Variants in PLCD4 observed in about 807,000 individuals in gnomAD.
PLCD4 encodes phospholipase C delta 4, also known as 1-phosphatidylinositol 4,5-bisphosphate phosphodiesterase delta-4.
Under a neutral mutation model 90.2 loss-of-function variants are expected in PLCD4, and 63 were observed. The ratio of observed to expected loss-of-function variants is 0.70; its 90% CI spans 0.57 to 0.86. The LOEUF is 0.86. Among genes scored for constraint, PLCD4 ranks in the 40% least tolerant of loss-of-function variants. PLCD4 has a pLI of 0.00. For missense variants in PLCD4, 830 were observed against 956.3 expected (o/e 0.87, Z 1.74); for synonymous variants, 294 against 356.5 (o/e 0.82, Z 1.97).
chr2:218,610,405 G>A (rs1451023597), intron 1 of PLCD4, among the ~76,000 whole-genome samples: 2 of 152,076 alleles, frequency 1.3e-5, no homozygotes, highest in Non-Finnish European at 2.9e-5. Context: ...CTACTTGGGA[G>A]GCTGAGGCAG....
intron 9 of PLCD4, among the ~76,000 whole-genome samples, chr2:218,631,701 G>A (rs1696375966): frequency 6.8e-6 from 1 of 147,954 alleles, no homozygotes; most frequent in South Asian, 2.1e-4. Flanking sequence ...GCTGAGGCAG[G>A]AGAATTGCTT....
At chr2:218,617,721 C>A (rs1372906139) in intron 3 of PLCD4, among the ~76,000 whole-genome samples, 1 of 152,156 alleles carries the variant, frequency 6.6e-6, no homozygotes, top group African/African-American at 2.4e-5. Context: ...CCATACCGCC[C>A]CCAGCTGAGG....
At chr2:218,625,254 G>A (rs1271219612) in intron 6 of PLCD4, among the ~76,000 whole-genome samples, 1 of 144,032 alleles carries the variant, frequency 6.9e-6, no homozygotes, top group Non-Finnish European at 1.5e-5. Flanking sequence ...AGGATCTTTT[G>A]TTACCTGTGC....
chr2:218,613,963 G>C (rs1695460475), intron 1 of PLCD4, among the ~76,000 whole-genome samples: 1 of 151,994 alleles, frequency 6.6e-6, no homozygotes, highest in East Asian at 1.9e-4. Flanking sequence ...TCAGCTACTA[G>C]GACAACTTAA....
chr2:218,623,565 C>A (rs900159223), intron 6 of PLCD4, among the ~76,000 whole-genome samples: 2 of 152,332 alleles, frequency 1.3e-5, no homozygotes, highest in African/African-American at 2.4e-5. Context: ...AAGGAACTTT[C>A]ACGTTCCTCA....
At position 218,634,617 on chromosome 2, in the gene PLCD4, C is replaced by T. The variant is rs755989985; in HGVS notation, c.1883C>T (p.Thr628Ile). The change falls in exon 13 of 16, where the codon ACT becomes ATT. Residue 628 changes from threonine (T) to isoleucine (I), a missense_variant. Physicochemically the swap from Thr to Ile is moderately conservative, Grantham distance 89. Coordinates refer to ENST00000450993, the MANE Select transcript of PLCD4 (RefSeq NM_032726.4). The surrounding 1 kb of genome is among the most constrained non-coding windows in gnomAD (Gnocchi z 4.0). ...CCCATCAGCCCTTTCAAAGCCCAGA[C>T]TCTCTTAATCCAGGTACAGTGGAAA... ...EKPISPFKAQTLLIQVISGQQ... is the reference protein window; with the variant it reads ...EKPISPFKAQILLIQVISGQQ... 3.1e-6 allele frequency: 5 copies of T among 1,613,756 alleles called. No homozygotes were observed. The highest frequency in any genetic ancestry group is 1.7e-5 in the Admixed American group (1 of 59,950).
chr2:218,620,514 T>C (rs1695825117), intron 4 of PLCD4, among the ~76,000 whole-genome samples: 1 of 151,240 alleles, frequency 6.6e-6, no homozygotes, highest in South Asian at 2.1e-4. Context: ...AAAAATTTTT[T>C]TTCTTTAATT....
At chr2:218,632,691 G>A (rs939464279) in intron 10 of PLCD4, among the ~76,000 whole-genome samples, 1 of 152,104 alleles carries the variant, frequency 6.6e-6, no homozygotes, top group African/African-American at 2.4e-5. Context: ...GTGATGAGCG[G>A]GTGTGTGTTT....
At chr2:218,627,151 C>T in intron 6 of PLCD4, among the ~76,000 whole-genome samples, 1 of 151,028 alleles carries the variant, frequency 6.6e-6, no homozygotes, top group East Asian at 2.0e-4. Flanking sequence ...GTCCCAGCTA[C>T]TCGGGAGCCT....
Position 218,635,820 on chromosome 2 carries a change from A to G in PLCD4, c.1921A>G (p.Lys641Glu), listed in dbSNP as rs764825131. The G allele has an allele frequency of 1.2e-5, 20 of 1,613,616 alleles. No homozygotes were observed. The South Asian group carries it at 2.2e-4, about 18-fold the overall frequency. ...IQVISGQQLP[K>E]VDKTKEGSIV... ...GGTGATCAGCGGTCAGCAACTCCCC[A>G]AAGTGGACAAGACCAAAGAGGGGTC... Residue 641 changes from lysine (K) to glutamate (E), a missense_variant, in exon 14 of 16, where the codon AAA becomes GAA. Physicochemically the swap from Lys to Glu is moderately conservative, Grantham distance 56. Transcript: ENST00000450993.
At chr2:218,619,973 G>T (rs1184586468) in intron 4 of PLCD4, among the ~76,000 whole-genome samples, 1 of 152,150 alleles carries the variant, frequency 6.6e-6, no homozygotes, top group Non-Finnish European at 1.5e-5. Flanking sequence ...GACAGCCTGG[G>T]CTCAAGCAAT....
rs770723560 is a variant in PLCD4 at position 218,629,529 on chromosome 2, C to T, written c.985C>T (p.Arg329Trp). The T allele has an allele frequency of 3.4e-5, 55 of 1,613,238 alleles. No individual in the cohort carries two copies. The highest frequency in any genetic ancestry group is 1.2e-4 in the Admixed American group (7 of 59,930). The change falls in exon 8 of 16, where the codon CGG becomes TGG. Residue 329 changes from arginine to tryptophan, a missense_variant. Arg to Trp is a moderately radical substitution (Grantham distance 101). Transcript: ENST00000450993. ...SVEGYIRALK[R>W]GCRCVEVDVW... The stretch of plus-strand genomic sequence containing the variant: ...ATGGGGTTCTTTCAGGGCCCTGAAG[C>T]GGGGGTGCCGCTGCGTGGAGGTGGA...
intron 3 of PLCD4, among the ~76,000 whole-genome samples, chr2:218,616,602 A>G (rs1695586328): frequency 1.3e-5 from 2 of 151,796 alleles, no homozygotes; most frequent in Non-Finnish European, 2.9e-5. Context: ...CTGTGGTCTC[A>G]GCTATTTGGG....
chr2:218,613,992 A>G (rs1695462261), intron 1 of PLCD4, among the ~76,000 whole-genome samples: 1 of 151,430 alleles, frequency 6.6e-6, no homozygotes, highest in African/African-American at 2.4e-5. Flanking sequence ...TATATTTCAC[A>G]GCATATATCT....
At position 218,633,641 on chromosome 2, in the gene PLCD4, C is replaced by T; in HGVS notation, c.1486C>T (p.Leu496=). 1 of 1,613,654 alleles carries T rather than the reference C, an allele frequency of 6.2e-7. No individual in the cohort carries two copies. Among genetic ancestry groups the T allele is most frequent in the East Asian group, 2.2e-5 (1 of 44,886 alleles). Reference sequence around the variant, plus strand: ...CATCTTGTGTCCAGCCCTCTCTTCCCTGGTTATCTACTTGAAGTCTGTCTC... The same window carrying T: ...CATCTTGTGTCCAGCCCTCTCTTCCTTGGTTATCTACTTGAAGTCTGTCTC... ...KPILCPALSS[L]VIYLKSVSFR... is the part of the protein sequence containing the mutation. Residue 496 remains leucine (L), a synonymous_variant, in exon 11 of 16, where the codon CTG becomes TTG. Coordinates refer to ENST00000450993, the MANE Select transcript of PLCD4 (RefSeq NM_032726.4).
In PLCD4 at chr2:218,622,739, G is replaced by A; in HGVS notation, c.633G>A (p.Leu211=). 6.2e-7 allele frequency: 1 copy of A among 1,614,020 alleles called. No homozygotes were observed. The highest frequency in any genetic ancestry group is 8.5e-7 in the Non-Finnish European group (1 of 1,179,896). ...ALTKRAEVQE[L]FESFSADGQK... ...CTAAACGTGCTGAGGTGCAGGAACTGTTTGAAAGTTTTTCAGCTGATGGGC... is the reference window on the plus strand; with the variant it reads ...CTAAACGTGCTGAGGTGCAGGAACTATTTGAAAGTTTTTCAGCTGATGGGC... The change falls in exon 6 of 16, where the codon CTG becomes CTA. Residue 211 remains leucine, a synonymous_variant. Transcript: ENST00000450993.
Position 218,634,683 on chromosome 2 carries a change from G to A in PLCD4, c.1896+53G>A. On this transcript the variant is annotated intron_variant, in intron 13 of 15. Transcript: ENST00000450993. The surrounding 1 kb of genome is among the most constrained non-coding windows in gnomAD (Gnocchi z 4.0). ...AAACTGAGATAACTGGGATAGAAGT[G>A]AGGGAAGAGGTGGCTAGGCCTGACC... The A allele has an allele frequency of 6.3e-7, 1 of 1,585,878 alleles. No homozygotes were observed. The highest frequency in any genetic ancestry group is 8.6e-7 in the Non-Finnish European group (1 of 1,160,714).
intron 13 of PLCD4, among the ~76,000 whole-genome samples, chr2:218,635,270 A>G (rs1338844760): frequency 6.8e-6 from 1 of 146,708 alleles, no homozygotes; most frequent in African/African-American, 2.5e-5. Context: ...TGTCTCTTTG[A>G]AAAAAAAAAA....
intron 1 of PLCD4, among the ~76,000 whole-genome samples, chr2:218,614,063 A>G (rs1344762791): frequency 6.7e-6 from 1 of 148,942 alleles, no homozygotes; most frequent in Non-Finnish European, 1.5e-5. Flanking sequence ...TCTGTTGCCC[A>G]GGCTGGAGTG....
Sources: gnomAD v4.1 joint callset for allele counts (sites outside exome capture counted in the v4.1 genomes callset) on GRCh38, gnomAD v4.1.1 for gene constraint, Gnocchi (gnomAD v3.1) non-coding constraint, MANE v1.5 for transcripts, NCBI Gene and HGNC (gene_info 2026-07-23, HGNC 2026-07-21) for gene names.